Variants in CTNND2 observed in about 807,000 individuals in gnomAD.
CTNND2 encodes catenin delta-2.
A neutral mutation model predicts 144.4 loss-of-function variants in CTNND2; 22 were observed. That is an observed-to-expected ratio of 0.15 (90% CI 0.11 to 0.22). The LOEUF (loss-of-function observed/expected upper bound fraction) is 0.22, where lower values mean the gene tolerates loss of function less well. Among genes scored for constraint, CTNND2 ranks in the 10% least tolerant of loss-of-function variants. CTNND2 has a pLI of 1.00. For synonymous variants in CTNND2, 751 were observed against 695.6 expected, an observed-to-expected ratio of 1.08 and a Z score of -1.25; for missense variants, 1,353 against 1,618.8, an observed-to-expected ratio of 0.84 and a Z score of 2.82.
At chr5:11,381,573 A>G (rs1308768317) in intron 7 of CTNND2, among the ~76,000 whole-genome samples, 1 of 152,210 alleles carries the variant, frequency 6.6e-6, no homozygotes, top group East Asian at 1.9e-4. Context: ...CTGCCCAGAT[A>G]GTCACAGGGC....
intron 2 of CTNND2, among the ~76,000 whole-genome samples, chr5:11,643,158 G>A (rs1782154910): frequency 6.6e-6 from 1 of 151,800 alleles, no homozygotes; most frequent in African/African-American, 2.4e-5. Flanking sequence ...CAAACTGTAA[G>A]GTGTAATATT....
At chr5:11,367,924 CG>C (rs1292494858) in intron 7 of CTNND2, among the ~76,000 whole-genome samples, 3 of 152,138 alleles carry the variant, frequency 2.0e-5, no homozygotes, top group African/African-American at 7.2e-5. Flanking sequence ...GACCAATTAC[CG>C]CAACAATTCC....
intron 9 of CTNND2, among the ~76,000 whole-genome samples, chr5:11,249,312 C>T (rs1366710959): frequency 1.3e-5 from 2 of 152,188 alleles, no homozygotes; most frequent in East Asian, 1.9e-4. Context: ...GGGCTTATTG[C>T]TCGTAATAAG....
intron 18 of CTNND2, among the ~76,000 whole-genome samples, chr5:11,005,226 T>C (rs1052279437): frequency 2.0e-5 from 3 of 152,202 alleles, no homozygotes; most frequent in African/African-American, 7.2e-5. Flanking sequence ...AACTGCTTTG[T>C]ACCTGCAGAG....
chr5:11,881,835 A>G (rs1327522243), intron 1 of CTNND2, among the ~76,000 whole-genome samples: 12 of 152,054 alleles, frequency 7.9e-5, no homozygotes, highest in Admixed American at 3.9e-4. Context: ...GGCTGTACTA[A>G]TTTACATTTC....
intron 3 of CTNND2, among the ~76,000 whole-genome samples, chr5:11,488,940 AGAG>A (rs1325201912): frequency 6.6e-6 from 1 of 152,218 alleles, no homozygotes. Context: ...ATGGACGTGT[AGAG>A]TTTAAGCATT....
At chr5:11,239,411 A>G (rs550961104) in intron 9 of CTNND2, among the ~76,000 whole-genome samples, 1 of 152,290 alleles carries the variant, frequency 6.6e-6, no homozygotes, top group South Asian at 2.1e-4. Flanking sequence ...CCTGTCCCCA[A>G]GCCCAAAACC....
chr5:11,620,168 T>C (rs1780763927), intron 2 of CTNND2, among the ~76,000 whole-genome samples: 1 of 152,170 alleles, frequency 6.6e-6, no homozygotes, highest in African/African-American at 2.4e-5. Context: ...CATCCTTTTT[T>C]ATTTTCTGTA....
intron 1 of CTNND2, among the ~76,000 whole-genome samples, chr5:11,778,638 T>A (rs572431974): frequency 4.1e-4 from 63 of 152,216 alleles, no homozygotes; most frequent in African/African-American, 1.4e-3. Context: ...GCAAGCGAAG[T>A]CTGAGAAACT....
At chr5:11,436,023 C>T (rs1029578050) in intron 3 of CTNND2, among the ~76,000 whole-genome samples, 6 of 151,860 alleles carry the variant, frequency 4.0e-5, no homozygotes, top group African/African-American at 1.5e-4. Flanking sequence ...AGGAGAAAGA[C>T]GACGGCAGGG....
At position 11,852,913 on chromosome 5, in the gene CTNND2, C is replaced by CT; in HGVS notation, c.37+50903dup. On this transcript the variant is annotated intron_variant, in intron 1 of 21. Transcript: ENST00000304623. ...CAGCTGAAAGGTCCAAGTAATCACT[C>CT]TTTCTCTCTCCTTTGACTGTCTTTT... Among the ~76,000 whole-genome samples, 3 of 152,318 alleles carry CT rather than the reference C, an allele frequency of 2.0e-5. 1 individual carries two copies. In the South Asian group the frequency reaches 6.2e-4, roughly 32 times the overall value.
intron 9 of CTNND2, among the ~76,000 whole-genome samples, chr5:11,314,373 C>T (rs1751294819): frequency 2.0e-5 from 3 of 152,176 alleles, no homozygotes; most frequent in Admixed American, 2.0e-4. Context: ...CCCCTAGAGA[C>T]AGGGTCTCAC....
At chr5:11,450,898 C>A (rs866353010) in intron 3 of CTNND2, among the ~76,000 whole-genome samples, 25 of 81,490 alleles carry the variant, frequency 3.1e-4, no homozygotes, top group Admixed American at 8.3e-4. Context: ...AACTCCATCT[C>A]AAAAAAAAAA....
At chr5:11,725,986 CACTG>C (rs1307642041) in intron 2 of CTNND2, among the ~76,000 whole-genome samples, 1 of 152,206 alleles carries the variant, frequency 6.6e-6, no homozygotes, top group South Asian at 2.1e-4. Context: ...ATGCACAGCG[CACTG>C]ACTATTTTAC....
At chr5:11,179,621 T>C (rs531330086) in intron 11 of CTNND2, among the ~76,000 whole-genome samples, 233 of 152,038 alleles carry the variant, frequency 1.5e-3, no homozygotes, top group African/African-American at 5.2e-3. Context: ...TTATAAGAGA[T>C]ATGGTTTTAA....
At chr5:11,723,804 T>C (rs1581778636) in intron 2 of CTNND2, among the ~76,000 whole-genome samples, 1 of 152,044 alleles carries the variant, frequency 6.6e-6, no homozygotes, top group East Asian at 1.9e-4. Flanking sequence ...TGTCTGTAAT[T>C]CCAGCAGTTT....
intron 3 of CTNND2, among the ~76,000 whole-genome samples, chr5:11,412,674 G>T: frequency 6.6e-6 from 1 of 152,132 alleles, no homozygotes; most frequent in East Asian, 1.9e-4. Flanking sequence ...ACTGTATAGA[G>T]TGGTTCTGTA....
intron 16 of CTNND2, among the ~76,000 whole-genome samples, chr5:11,046,629 T>C (rs552212550): frequency 4.8e-4 from 73 of 152,348 alleles, no homozygotes; most frequent in African/African-American, 1.7e-3. Flanking sequence ...TCATCAGTCA[T>C]ATGGAATCCC....
chr5:11,104,758 T>C (rs930511200), intron 14 of CTNND2, among the ~76,000 whole-genome samples: 2 of 152,192 alleles, frequency 1.3e-5, no homozygotes, highest in Non-Finnish European at 2.9e-5. Flanking sequence ...ATAGAGTTGA[T>C]GGCTAATTAG....
Sources: allele counts gnomAD v4.1 joint callset (sites outside exome capture counted in the v4.1 genomes callset), GRCh38; gene constraint gnomAD v4.1.1; transcripts MANE v1.5; gene names NCBI Gene and HGNC (gene_info 2026-07-23, HGNC 2026-07-21).